The following CAMK2B variants were observed in gnomAD, a reference collection of about 807,000 sequenced individuals.
CAMK2B encodes calcium/calmodulin dependent protein kinase II beta.
A neutral mutation model predicts 93.7 loss-of-function variants in CAMK2B; 27 were observed. The observed-to-expected ratio is 0.29, with a 90% CI of 0.21 to 0.40. The LOEUF is 0.40. Among genes scored for constraint, CAMK2B ranks in the 10% least tolerant of loss-of-function variants. The pLI is 1.00. For synonymous variants in CAMK2B, 374 were observed against 358.8 expected (o/e 1.04, Z -0.48); for missense variants, 568 against 895.8 (o/e 0.63, Z 4.67).
At chr7:44,320,952 G>A (rs1253324378) in intron 1 of CAMK2B, among the ~76,000 whole-genome samples, 7 of 152,212 alleles carry the variant, frequency 4.6e-5, no homozygotes, top group East Asian at 3.9e-4. Context: ...TAGGGGGAGG[G>A]GCAGGGAGCA....
intron 4 of CAMK2B, among the ~76,000 whole-genome samples, chr7:44,257,534 C>G (rs1292379021): frequency 6.6e-6 from 1 of 152,262 alleles, no homozygotes; most frequent in East Asian, 1.9e-4. Context: ...CCCACAGTCT[C>G]CATTTCCTGG....
intron 2 of CAMK2B, among the ~76,000 whole-genome samples, chr7:44,276,426 A>C (rs73691450): frequency 0.35 from 53,735 of 151,714 alleles, 9,921 homozygotes; most frequent in Middle Eastern, 0.42. Context: ...CGGAGGCAGC[A>C]CCCCCCCGCC....
intron 1 of CAMK2B, among the ~76,000 whole-genome samples, chr7:44,300,053 T>TGTGTGTGTGTGTGTGTATG (rs1305269365): frequency 6.6e-6 from 1 of 151,852 alleles, no homozygotes; most frequent in South Asian, 2.1e-4. Context: ...TGTGTGTGTG[T>TGTGTGTGTGTGTGTGTATG]GTGTGTATGT....
At chr7:44,220,026 C>G in intron 23 of CAMK2B, 34 bp downstream of exon 23, 1 of 1,502,504 alleles carries the variant, frequency 6.7e-7, no homozygotes, top group Non-Finnish European at 8.9e-7. Flanking sequence ...CGCCACCCCT[C>G]TGCCCCAGCT....
At chr7:44,249,735 C>T (rs2128995466) in intron 5 of CAMK2B, among the ~76,000 whole-genome samples, 1 of 152,316 alleles carries the variant, frequency 6.6e-6, no homozygotes, top group East Asian at 1.9e-4. Flanking sequence ...CAGACTACTG[C>T]TGAGGGCGAG....
intron 1 of CAMK2B, among the ~76,000 whole-genome samples, chr7:44,297,226 T>A (rs1305892319): frequency 6.6e-6 from 1 of 151,886 alleles, no homozygotes; most frequent in Non-Finnish European, 1.5e-5. Flanking sequence ...TATTTGAGAG[T>A]GGGCTTGGGT....
chr7:44,247,674 C>T (rs1193605433), intron 5 of CAMK2B, among the ~76,000 whole-genome samples: 2 of 152,192 alleles, frequency 1.3e-5, no homozygotes, highest in Non-Finnish European at 2.9e-5. Flanking sequence ...GGCACCAGGA[C>T]CCTGCTCTGT....
At chr7:44,251,079 C>T (rs558645033) in intron 5 of CAMK2B, among the ~76,000 whole-genome samples, 58 of 152,350 alleles carry the variant, frequency 3.8e-4, no homozygotes, top group Non-Finnish European at 7.9e-4. Flanking sequence ...ACGGCAGCAG[C>T]TCCTGGCCCT....
intron 1 of CAMK2B, among the ~76,000 whole-genome samples, chr7:44,296,895 C>T (rs1788463163): frequency 6.6e-6 from 1 of 151,894 alleles, no homozygotes; most frequent in African/African-American, 2.4e-5. Flanking sequence ...AGCATACCTG[C>T]CTTATAAGAA....
At chr7:44,269,334 C>T (rs927226515) in intron 2 of CAMK2B, among the ~76,000 whole-genome samples, 2 of 152,200 alleles carry the variant, frequency 1.3e-5, no homozygotes, top group African/African-American at 4.8e-5. Context: ...CGACCAGTGC[C>T]CCCCGCGGGG....
intron 2 of CAMK2B, among the ~76,000 whole-genome samples, chr7:44,269,325 G>A (rs947256062): frequency 6.6e-6 from 1 of 152,228 alleles, no homozygotes; most frequent in African/African-American, 2.4e-5. Context: ...GCCATGGTGC[G>A]ACCAGTGCCC....
At chr7:44,294,179 G>A (rs1167230969) in intron 1 of CAMK2B, among the ~76,000 whole-genome samples, 5 of 152,096 alleles carry the variant, frequency 3.3e-5, no homozygotes, top group Non-Finnish European at 7.4e-5. Flanking sequence ...CTCTTCTTGG[G>A]TCCTCCCTGC....
chr7:44,237,869 G>A (rs1328539883), intron 13 of CAMK2B, among the ~76,000 whole-genome samples: 1 of 152,166 alleles, frequency 6.6e-6, no homozygotes, highest in Non-Finnish European at 1.5e-5. Context: ...CCCATTCCCG[G>A]GTCTCCAGGC....
In CAMK2B at chr7:44,228,882, G is replaced by C. The variant is rs750505899; in HGVS notation, c.1382C>G (p.Ser461Ter). The C allele has an allele frequency of 1.3e-6, 2 of 1,599,152 alleles. No individual in the cohort carries two copies. Among genetic ancestry groups the C allele is most frequent in the Non-Finnish European group, 1.7e-6 (2 of 1,171,542 alleles). The change falls in exon 19 of 24, where the codon TCA becomes TGA. Residue 461 changes from serine to a stop codon, truncating the protein, a stop_gained. Coordinates refer to ENST00000395749, the MANE Select transcript of CAMK2B (RefSeq NM_001220.5). LOFTEE classifies it high-confidence loss of function. Reference sequence around the variant, plus strand: ...GGGGCCCTCGGCTTCTGGGGTTCCTGAACCCCTTCTCACAGAGTTCAGGAT... The same window carrying C: ...GGGGCCCTCGGCTTCTGGGGTTCCTCAACCCCTTCTCACAGAGTTCAGGAT... ...SDILNSVRRG[S>*]GTPEAEGPLS...
intron 3 of CAMK2B, among the ~76,000 whole-genome samples, chr7:44,260,157 G>GCCACCTTCTCCTAGGTTCGCAGGT (rs2096867777): frequency 6.6e-6 from 1 of 152,180 alleles, no homozygotes; most frequent in African/African-American, 2.4e-5. Context: ...GTAAGACGTA[G>GCCACCTTCTCCTAGGTTCGCAGGT]CCACCTTCTC....
In CAMK2B at chr7:44,311,115, C is replaced by G. The variant is rs28574641; in HGVS notation, c.65+14242G>C. Reference sequence around the variant, plus strand: ...TTTTGAGACAGTCTCATTCTATTGCCCAGGCTGGAGTGCAATGGCGTGATC... The same window carrying G: ...TTTTGAGACAGTCTCATTCTATTGCGCAGGCTGGAGTGCAATGGCGTGATC... On this transcript the variant is annotated intron_variant, in intron 1 of 23. Coordinates refer to ENST00000395749, the MANE Select transcript of CAMK2B (RefSeq NM_001220.5). This position sits in a 1 kb window ranked among gnomAD's most constrained non-coding sequence, Gnocchi z 4.2. Among the ~76,000 whole-genome samples the G allele has an allele frequency of 0.21, 31,810 of 151,956 alleles. 4,094 individuals carry two copies. The highest frequency in any genetic ancestry group is 0.32 in the Middle Eastern group (95 of 294).
rs577994124 is a variant in CAMK2B at position 44,225,185 on chromosome 7, C to T, written c.1597+1331G>A. On this transcript the variant is annotated intron_variant, in intron 20 of 23. Transcript: ENST00000395749. This position sits in a 1 kb window ranked among gnomAD's most constrained non-coding sequence, Gnocchi z 5.0. Reference sequence around the variant, plus strand: ...GACTCACCCCAGATACTGCACAGACCTTGAGGGCAGGCTGCAGTCCTGGGC... The same window carrying T: ...GACTCACCCCAGATACTGCACAGACTTTGAGGGCAGGCTGCAGTCCTGGGC... Among the ~76,000 whole-genome samples the T allele has an allele frequency of 6.6e-6, 1 of 152,306 alleles. No homozygotes were observed. Among genetic ancestry groups the T allele is most frequent in the Admixed American group, 6.5e-5 (1 of 15,308 alleles).
At chr7:44,308,693 C>T (rs1256190585) in intron 1 of CAMK2B, among the ~76,000 whole-genome samples, 1 of 152,180 alleles carries the variant, frequency 6.6e-6, no homozygotes, top group East Asian at 1.9e-4. Flanking sequence ...CCCCCCATAT[C>T]CCACCTTGTC....
chr7:44,320,804 G>A (rs1006102671), intron 1 of CAMK2B, among the ~76,000 whole-genome samples: 1 of 152,246 alleles, frequency 6.6e-6, no homozygotes, highest in Non-Finnish European at 1.5e-5. Context: ...GGAAGGCAGA[G>A]GCCCACCCAA....
Sources: gnomAD v4.1 joint callset for allele counts (sites outside exome capture counted in the v4.1 genomes callset) on GRCh38, gnomAD v4.1.1 for gene constraint, Gnocchi (gnomAD v3.1) non-coding constraint, MANE v1.5 for transcripts, NCBI Gene and HGNC (gene_info 2026-07-23, HGNC 2026-07-21) for gene names.